NUMB: variants seen among roughly 807,000 people sequenced by gnomAD.
NUMB encodes NUMB endocytic adaptor protein.
A neutral mutation model predicts 59.7 loss-of-function variants in NUMB; 29 were observed. The ratio of observed to expected loss-of-function variants is 0.49; its 90% confidence interval spans 0.36 to 0.66. The LOEUF is 0.66. Among genes scored for constraint, NUMB ranks in the 30% least tolerant of loss-of-function variants. The probability of loss-of-function intolerance (pLI) is 0.00; values close to 1 mark genes in which losing one functional copy is unlikely to be tolerated. For missense variants in NUMB, 723 were observed against 822.0 expected, an observed-to-expected ratio of 0.88 and a Z score of 1.47; for synonymous variants, 288 against 288.2, an observed-to-expected ratio of 1.00 and a Z score of 0.01.
intron 4 of NUMB, among the ~76,000 whole-genome samples, chr14:73,332,765 G>C (rs1169189524): frequency 9.1e-5 from 3 of 32,800 alleles, no homozygotes; most frequent in Admixed American, 6.9e-4. Context: ...TGTCTCCACT[G>C]CCCCTCCCCA....
In NUMB at chr14:73,288,903, C is replaced by T. The variant is rs112747450; in HGVS notation, c.451-1589G>A. Among the ~76,000 whole-genome samples the T allele has an allele frequency of 4.6e-3, 697 of 151,682 alleles. 4 individuals are homozygous for T. Among genetic ancestry groups the T allele is most frequent in the African/African-American group, 0.016 (675 of 41,398 alleles). ...AAAAAAAGAAAAAGAAAAAATTAGT[C>T]GAGTGTGGTGGTGGTGTGTGTCTGT... On this transcript the variant is annotated intron_variant, in intron 8 of 12. Coordinates refer to ENST00000555238, the MANE Select transcript of NUMB (RefSeq NM_001005743.2).
At chr14:73,368,775 CA>C (rs981424942) in intron 2 of NUMB, among the ~76,000 whole-genome samples, 1 of 152,034 alleles carries the variant, frequency 6.6e-6, no homozygotes, top group African/African-American at 2.4e-5. Context: ...TGACAAAATA[CA>C]GCAAATGGTT....
Position 73,282,372 on chromosome 14 carries a change from A to C in NUMB, c.1083T>G (p.Ser361=). 6.2e-7 allele frequency: 1 copy of C among 1,614,144 alleles called. No homozygotes were observed. The highest frequency in any genetic ancestry group is 8.5e-7 in the Non-Finnish European group (1 of 1,180,020). The part of the protein sequence containing the change: ...TKPVTVVAPQ[S]PTFQANGTDS... ...GAGGGCACCAACCTTGGAAGGTAGG[A>C]GATTGTGGTGCCACCACTGTCACTG... The change falls in exon 11 of 13, where the codon TCT becomes TCG. Residue 361 remains serine (S), a synonymous_variant. Transcript: ENST00000555238.
chr14:73,298,013 C>T (rs1371000787), intron 6 of NUMB: 4 of 152,056 alleles, frequency 2.6e-5, no homozygotes, highest in Admixed American at 6.6e-5. Context: ...CTCAGCCTCC[C>T]GACTAGCTGG....
chr14:73,346,081 G>A (rs892855446), intron 4 of NUMB, among the ~76,000 whole-genome samples: 3 of 152,062 alleles, frequency 2.0e-5, no homozygotes, highest in African/African-American at 4.8e-5. Flanking sequence ...ACTCGGCTTA[G>A]AACTCTTGAA....
Position 73,279,338 on chromosome 14 carries a change from TG to T in NUMB, c.1182del (p.Asn395ThrfsTer50). On this transcript the variant is annotated frameshift_variant, in exon 12 of 13. Coordinates refer to ENST00000555238, the MANE Select transcript of NUMB (RefSeq NM_001005743.2). LOFTEE classifies it high-confidence loss of function. ...LAPVAMPVRE[T>X]NPWAHAPDAA... ...GCATCAGGGGCATGGGCCCAAGGGTTGGTTTCACGCACAGGCATTGCTACGG... is the reference window on the plus strand; with the variant it reads ...GCATCAGGGGCATGGGCCCAAGGGTTGTTTCACGCACAGGCATTGCTACGG... 2 of 1,613,932 alleles carry T rather than the reference TG, an allele frequency of 1.2e-6. No individual in the cohort carries two copies. The highest frequency in any genetic ancestry group is 2.2e-5 in the East Asian group (1 of 44,882).
intron 4 of NUMB, among the ~76,000 whole-genome samples, chr14:73,323,953 A>G (rs955519148): frequency 6.6e-6 from 1 of 152,152 alleles, no homozygotes; most frequent in Non-Finnish European, 1.5e-5. Flanking sequence ...CCAAGGTCTG[A>G]CCTTCTCTTG....
At chr14:73,380,224 C>T (rs1386429652) in intron 2 of NUMB, among the ~76,000 whole-genome samples, 2 of 152,134 alleles carry the variant, frequency 1.3e-5, no homozygotes. Flanking sequence ...TGGTAGGATT[C>T]TGGACGTTAT....
intron 2 of NUMB, among the ~76,000 whole-genome samples, chr14:73,388,994 G>A (rs1895690590): frequency 6.6e-6 from 1 of 151,668 alleles, no homozygotes; most frequent in Non-Finnish European, 1.5e-5. Context: ...AGCTACCAGA[G>A]AGGCTGCGGC....
At chr14:73,302,259 G>C (rs1033978915) in intron 6 of NUMB, among the ~76,000 whole-genome samples, 2 of 152,040 alleles carry the variant, frequency 1.3e-5, no homozygotes, top group African/African-American at 4.8e-5. Context: ...ATACTTCTGG[G>C]TGTGGGTTCT....
chr14:73,308,537 A>C (rs2139879765), intron 6 of NUMB, among the ~76,000 whole-genome samples: 1 of 152,336 alleles, frequency 6.6e-6, no homozygotes, highest in South Asian at 2.1e-4. Context: ...TGAAGTAGGC[A>C]TTAATCGCAA....
intron 4 of NUMB, among the ~76,000 whole-genome samples, chr14:73,352,402 G>C (rs1167225893): frequency 1.1e-4 from 15 of 133,742 alleles, no homozygotes; most frequent in African/African-American, 3.7e-4. Context: ...TTTCTTAAAA[G>C]TATTTACCTT....
intron 7 of NUMB, among the ~76,000 whole-genome samples, chr14:73,295,479 A>G (rs1419227537): frequency 6.6e-6 from 1 of 152,240 alleles, no homozygotes; most frequent in Non-Finnish European, 1.5e-5. Context: ...ACTAATGAAA[A>G]CTACACAAGT....
intron 7 of NUMB, among the ~76,000 whole-genome samples, chr14:73,293,360 T>C (rs1889527727): frequency 6.6e-6 from 1 of 152,034 alleles, no homozygotes; most frequent in Non-Finnish European, 1.5e-5. Flanking sequence ...ATACTGTATT[T>C]TTCAGGTGTG....
intron 3 of NUMB, among the ~76,000 whole-genome samples, chr14:73,366,120 A>T (rs1363071864): frequency 1.3e-5 from 2 of 152,220 alleles, no homozygotes; most frequent in African/African-American, 4.8e-5. Flanking sequence ...TGCATTCTGA[A>T]GGGGAAGGCA....
chr14:73,398,409 AGAGAGAGT>A (rs1566779581), intron 2 of NUMB, among the ~76,000 whole-genome samples: 3 of 120,140 alleles, frequency 2.5e-5, no homozygotes, highest in Admixed American at 1.6e-4. Flanking sequence ...AGAGAGAGAG[AGAGAGAGT>A]GTGTGTGTGT....
At chr14:73,353,514 T>G (rs1893581984) in intron 4 of NUMB, among the ~76,000 whole-genome samples, 1 of 150,746 alleles carries the variant, frequency 6.6e-6, no homozygotes, top group Admixed American at 6.7e-5. Context: ...ATGCAATTCT[T>G]AAATGTAAAA....
intron 6 of NUMB, among the ~76,000 whole-genome samples, chr14:73,306,497 C>T (rs1890436776): frequency 6.6e-6 from 1 of 152,208 alleles, no homozygotes; most frequent in South Asian, 2.1e-4. Flanking sequence ...GTCTCATCTT[C>T]TGTTTCCTTC....
At chr14:73,277,553 G>A (rs187373696) in intron 12 of NUMB, among the ~76,000 whole-genome samples, 103 of 152,244 alleles carry the variant, frequency 6.8e-4, no homozygotes, top group African/African-American at 2.2e-3. Flanking sequence ...ATTAAACCAC[G>A]GCAGCTGACT....
Sources: gnomAD v4.1 joint callset for allele counts (sites outside exome capture counted in the v4.1 genomes callset) on GRCh38, gnomAD v4.1.1 for gene constraint, MANE v1.5 for transcripts, NCBI Gene and HGNC (gene_info 2026-07-23, HGNC 2026-07-21) for gene names.